Variants in STRA6 observed in about 807,000 individuals in gnomAD.
STRA6 encodes receptor for retinol uptake STRA6.
STRA6 carries 48 observed loss-of-function variants against 83.6 expected under a neutral mutation model. The observed-to-expected ratio is 0.57, with a 90% confidence interval of 0.46 to 0.73. STRA6 has a LOEUF of 0.73. Ranked by LOEUF, STRA6 falls within the 30% of genes least tolerant of loss-of-function variation. The probability of loss-of-function intolerance (pLI) is 0.00; values close to 1 mark genes in which losing one functional copy is unlikely to be tolerated. For synonymous variants in STRA6, 353 were observed against 362.3 expected (o/e 0.97, Z 0.29); for missense variants, 760 against 838.8 (o/e 0.91, Z 1.16).
intron 4 of STRA6, 99 bp from the exon 5 acceptor site, chr15:74,196,246 TC>T: frequency 6.5e-7 from 1 of 1,532,374 alleles, no homozygotes; most frequent in South Asian, 1.2e-5. Context: ...GTGGAGTCAG[TC>T]CCACTTTCTA....
chr15:74,179,773 A>C lies in STRA6; in HGVS notation c.*307T>G. The stretch of plus-strand genomic sequence containing the variant: ...GCTTCATCGAGGCCCTTCAAGGCTG[A>C]TGGCAGAGCCAGGGTAGGGAGACGC... On this transcript the variant is annotated 3_prime_UTR_variant, in exon 19 of 19. Transcript: ENST00000395105. 2.8e-6 allele frequency: 1 copy of C among 358,756 alleles called. No individual in the cohort carries two copies. 22.2% of individuals were successfully genotyped at this position (358,756 alleles called of 1,614,324 possible). A position where few individuals can be genotyped will look rare whatever the true frequency, so the allele number is the denominator to read the frequency against.
chr15:74,182,362 G>C lies in STRA6; in HGVS notation c.1399C>G (p.Arg467Gly). The change falls in exon 15 of 19, where the codon CGT becomes GGT. Residue 467 changes from arginine (R) to glycine (G), a missense_variant. Physicochemically the swap from Arg to Gly is moderately radical, Grantham distance 125. Transcript: ENST00000395105. The part of the protein sequence containing the change: ...VLHGRNLLLF[R>G]SLESSWPFWL... ...ACTCACCACGAGGACTCCAGGGAAC[G>C]GAAGAGCAGGAGGTTCCTGCCATGG... is the stretch of plus-strand genomic sequence containing the variant. The C allele has an allele frequency of 6.2e-7, 1 of 1,614,072 alleles. No individual in the cohort carries two copies. Among genetic ancestry groups the C allele is most frequent in the Non-Finnish European group, 8.5e-7 (1 of 1,179,986 alleles).
rs1207242958 is a variant in STRA6 at position 74,179,492 on chromosome 15, G to A, written c.*588C>T. On this transcript the variant is annotated 3_prime_UTR_variant, in exon 19 of 19. Transcript: ENST00000395105. ...TTCTCAGGAACAAGTTTATTGCAGG[G>A]AACACACTAACCTCTTTCATAATAG... 6.5e-6 allele frequency: 1 copy of A among 153,216 alleles called. No homozygotes were observed. Among genetic ancestry groups the A allele is most frequent in the Non-Finnish European group, 1.5e-5 (1 of 68,746 alleles). 9.5% of individuals were successfully genotyped at this position (153,216 alleles called of 1,614,324 possible).
intron 11 of STRA6, among the ~76,000 whole-genome samples, chr15:74,190,159 C>T (rs564311887): frequency 1.9e-4 from 29 of 152,188 alleles, no homozygotes; most frequent in African/African-American, 7.0e-4. Context: ...ACTGTGTCTG[C>T]ACCTCTATCT....
At chr15:74,208,087 G>A in intron 1 of STRA6, 1 of 1,196,862 alleles carries the variant, frequency 8.4e-7, no homozygotes, top group Non-Finnish European at 1.1e-6. Flanking sequence ...CTGGTATGAG[G>A]GTGGACACTG....
chr15:74,202,240 T>G lies in STRA6; in HGVS notation c.28A>C (p.Thr10Pro). 6.5e-7 allele frequency: 1 copy of G among 1,528,748 alleles called. No individual in the cohort carries two copies. Among genetic ancestry groups the G allele is most frequent in the Non-Finnish European group, 8.7e-7 (1 of 1,143,352 alleles). 94.7% of individuals were successfully genotyped at this position (1,528,748 alleles called of 1,614,324 possible). A position where few individuals can be genotyped will look rare whatever the true frequency, so the allele number is the denominator to read the frequency against. ...TAGTCCTCTGTGGCCCCGGGGGAGGTCTGGTTCCCTGCTGGCTGGGACGAC... is the reference window on the plus strand; with the variant it reads ...TAGTCCTCTGTGGCCCCGGGGGAGGGCTGGTTCCCTGCTGGCTGGGACGAC... MSSQPAGNQ[T>P]SPGATEDYSY... The change falls in exon 2 of 19, where the codon ACC becomes CCC. Residue 10 changes from threonine to proline, a missense_variant. By Grantham distance (38) the Thr-to-Pro change is conservative. Coordinates refer to ENST00000395105, the MANE Select transcript of STRA6 (RefSeq NM_022369.4).
intron 1 of STRA6, 122 bp from the exon 2 acceptor site, chr15:74,202,404 G>A: frequency 7.8e-6 from 12 of 1,541,246 alleles, no homozygotes; most frequent in Non-Finnish European, 1.0e-5. Context: ...TAATCCTGAA[G>A]GTTACTTTCT....
intron 8 of STRA6, 71 bp downstream of exon 8, chr15:74,193,729 G>T (rs1283237714): frequency 6.2e-7 from 1 of 1,603,376 alleles, no homozygotes; most frequent in Non-Finnish European, 8.5e-7. Context: ...ATGTATCTGG[G>T]ACCACAGATA....
rs930379670 is a variant in STRA6, at chr15:74,179,698, C to T, written c.*382G>A. The T allele has an allele frequency of 4.0e-5, 8 of 199,624 alleles. No individual in the cohort carries two copies. The highest frequency in any genetic ancestry group is 5.3e-5 in the Admixed American group (1 of 18,824). 12.4% of individuals were successfully genotyped at this position (199,624 alleles called of 1,614,324 possible). On this transcript the variant is annotated 3_prime_UTR_variant, in exon 19 of 19. Coordinates refer to ENST00000395105, the MANE Select transcript of STRA6 (RefSeq NM_022369.4). Reference sequence around the variant, plus strand: ...GGAAGTGCCTTGGCTGCTTCCACAGCGTGAAGGCCAAGGCTGAGGTGGAGC... The same window carrying T: ...GGAAGTGCCTTGGCTGCTTCCACAGTGTGAAGGCCAAGGCTGAGGTGGAGC...
chr15:74,194,008 C>T, intron 7 of STRA6, 86 bp from the exon 8 acceptor site: 1 of 1,579,936 alleles, frequency 6.3e-7, no homozygotes, highest in South Asian at 1.1e-5. Flanking sequence ...CCACCTCACA[C>T]TGGGCCCTGA....
chr15:74,184,023 G>A (rs774722528), intron 13 of STRA6, 34 bp from the exon 14 acceptor site: 1 of 1,609,654 alleles, frequency 6.2e-7, no homozygotes, highest in Admixed American at 1.7e-5. Context: ...GAGACCTCAG[G>A]GAGCAACACA....
At chr15:74,197,534 C>G in intron 3 of STRA6, 111 bp from the exon 4 acceptor site, 1 of 1,117,570 alleles carries the variant, frequency 8.9e-7, no homozygotes, top group Non-Finnish European at 1.3e-6. Context: ...CCAGTGCACA[C>G]TCATGTGACA....
At chr15:74,191,075 G>A (rs763386964) in intron 10 of STRA6, 92 bp downstream of exon 10, 77 of 1,574,848 alleles carry the variant, frequency 4.9e-5, no homozygotes, top group East Asian at 4.7e-5. Flanking sequence ...CAAGGATTCT[G>A]GGGAGCAGGA....
At chr15:74,193,219 A>C (rs548648556) in intron 8 of STRA6, among the ~76,000 whole-genome samples, 1 of 152,294 alleles carries the variant, frequency 6.6e-6, no homozygotes, top group South Asian at 2.1e-4. Flanking sequence ...TGAACAAAAC[A>C]GACACAAAAC....
chr15:74,207,284 T>G (rs1259856695), upstream of STRA6, among the ~76,000 whole-genome samples: 3 of 151,984 alleles, frequency 2.0e-5, no homozygotes, highest in African/African-American at 7.3e-5. Context: ...AAACATCCCC[T>G]CAAGGACTCC....
chr15:74,200,090 C>T (rs945686051), intron 2 of STRA6, among the ~76,000 whole-genome samples: 1 of 152,100 alleles, frequency 6.6e-6, no homozygotes, highest in Non-Finnish European at 1.5e-5. Flanking sequence ...CGTGGTGGCA[C>T]GCACCTGTAA....
upstream of STRA6, among the ~76,000 whole-genome samples, chr15:74,206,687 G>A (rs2142108193): frequency 6.6e-6 from 1 of 152,340 alleles, no homozygotes; most frequent in Middle Eastern, 3.4e-3. Context: ...AGGCTCCCTG[G>A]AGGAGGGGGC....
chr15:74,207,751 C>T (rs189876262), upstream of STRA6: 21 of 1,535,724 alleles, frequency 1.4e-5, 1 homozygote, highest in Middle Eastern at 3.3e-4. Context: ...GAGAGTCAAC[C>T]TCATGCGGGC....
chr15:74,189,052 G>T lies in STRA6; in HGVS notation c.1090+63C>A, dbSNP rs1223211791. ...TGTGTCCATGGCTGACTAGGGCATA[G>T]ACCTTGGGTCTCCCCGCTTTCATTC... On this transcript the variant is annotated intron_variant, in intron 12 of 18. Transcript: ENST00000395105. The T allele has an allele frequency of 3.1e-6, 5 of 1,596,902 alleles. No homozygotes were observed. The East Asian group carries it at 1.1e-4, about 36-fold the overall frequency.
Sources: allele counts gnomAD v4.1 joint callset (sites outside exome capture counted in the v4.1 genomes callset), GRCh38; gene constraint gnomAD v4.1.1; transcripts MANE v1.5; gene names NCBI Gene and HGNC (gene_info 2026-07-23, HGNC 2026-07-21).